The following GTPBP4 variants were observed in gnomAD, a reference collection of about 807,000 sequenced individuals.
The protein encoded by GTPBP4 is GTP-binding protein 4.
In GTPBP4, 15 loss-of-function variants were observed where a neutral mutation model predicts 81.7. That is an observed-to-expected ratio of 0.18 (90% confidence interval 0.12 to 0.28). The LOEUF (loss-of-function observed/expected upper bound fraction) is 0.28, where lower values mean the gene tolerates loss of function less well. Ranked by LOEUF, GTPBP4 falls within the 10% of genes least tolerant of loss-of-function variation. The pLI, the probability that GTPBP4 is intolerant of heterozygous loss-of-function variation, is 1.00. For synonymous variants in GTPBP4, 272 were observed against 274.6 expected, an observed-to-expected ratio of 0.99 and a Z score of 0.09; for missense variants, 847 against 793.8, an observed-to-expected ratio of 1.07 and a Z score of -0.81.
chr10:1,000,632 C>A (rs745942586), intron 6 of GTPBP4, 45 bp from the exon 7 acceptor site: 4 of 1,211,742 alleles, frequency 3.3e-6, no homozygotes, highest in East Asian at 5.1e-5. Flanking sequence ...GGACAAGAAG[C>A]TTGTGGGTGA....
chr10:1,007,445 AT>A (rs35800515), intron 10 of GTPBP4: 3 of 232,314 alleles, frequency 1.3e-5, no homozygotes, highest in South Asian at 6.6e-5. Flanking sequence ...TTAAATTTTC[AT>A]TTTTTTGGCT....
At chr10:996,934 G>C in intron 4 of GTPBP4, 1 of 419,308 alleles carries the variant, frequency 2.4e-6, no homozygotes, top group Non-Finnish European at 4.3e-6. Context: ...CAGACATGCT[G>C]TTGGCCCCAC....
At chr10:1,004,081 A>G (rs1350807249) in intron 8 of GTPBP4, among the ~76,000 whole-genome samples, 1 of 152,050 alleles carries the variant, frequency 6.6e-6, no homozygotes, top group Admixed American at 6.5e-5. Context: ...TCCAGGGAAG[A>G]CGCACTCTGG....
At position 988,453 on chromosome 10, in the gene GTPBP4, A is replaced by C. The variant is rs368892486; in HGVS notation, c.-27A>C. 5.6e-6 allele frequency: 9 copies of C among 1,608,508 alleles called. No homozygotes were observed. Among genetic ancestry groups the C allele is most frequent in the Non-Finnish European group, 7.7e-6 (9 of 1,175,518 alleles). ...GACGGCGGAAGTTCCGGGAGTGCCA[A>C]GTACCCGCGTGCATACGGCTGCCGG... is the stretch of plus-strand genomic sequence containing the variant. On this transcript the variant is annotated 5_prime_UTR_variant, in exon 1 of 17. Coordinates refer to ENST00000360803, the MANE Select transcript of GTPBP4 (RefSeq NM_012341.3).
chr10:1,003,726 G>A (rs1372079682), intron 8 of GTPBP4, among the ~76,000 whole-genome samples: 1 of 152,156 alleles, frequency 6.6e-6, no homozygotes, highest in Non-Finnish European at 1.5e-5. Context: ...CAGCGGTGGT[G>A]TATGTTTTTA....
chr10:1,005,560 C>G (rs992717794), intron 8 of GTPBP4, among the ~76,000 whole-genome samples: 13 of 152,116 alleles, frequency 8.5e-5, no homozygotes, highest in African/African-American at 3.1e-4. Context: ...TGTAGTTGTT[C>G]GTTATTCTGA....
At chr10:1,012,806 A>G (rs1397471660) in intron 14 of GTPBP4, 144 bp downstream of exon 14, 1 of 624,248 alleles carries the variant, frequency 1.6e-6, no homozygotes, top group Non-Finnish European at 2.9e-6. Flanking sequence ...GATTTGCAAG[A>G]TCGCTCACGT....
intron 1 of GTPBP4, chr10:988,765 C>T (rs1347625331): frequency 7.8e-6 from 4 of 513,916 alleles, no homozygotes; most frequent in Non-Finnish European, 1.4e-5. Flanking sequence ...GTGGTCCACC[C>T]AAAGACTGAG....
In GTPBP4 at chr10:1,019,838, T is replaced by C. The variant is rs746877846; in HGVS notation, c.*2611T>C. On this transcript the variant is annotated 3_prime_UTR_variant, in exon 17 of 17. Coordinates refer to ENST00000360803, the MANE Select transcript of GTPBP4 (RefSeq NM_012341.3). ...ACACAATGTCCTCTGGAGAAATCTA[T>C]TGACAGAAATTGGTGCAGTGTTAAC... is the stretch of plus-strand genomic sequence containing the variant. 6.2e-7 allele frequency: 1 copy of C among 1,606,590 alleles called. No individual in the cohort carries two copies.
In GTPBP4 at chr10:1,019,462, G is replaced by A. The variant is rs1832049679; in HGVS notation, c.*2235G>A. On this transcript the variant is annotated 3_prime_UTR_variant, in exon 17 of 17. Coordinates refer to ENST00000360803, the MANE Select transcript of GTPBP4 (RefSeq NM_012341.3). ...GAGAGGGTGTATCATTGCCTCAATGGTGCGTCTGCCTGCACTGAGGGCATT... is the reference window on the plus strand; with the variant it reads ...GAGAGGGTGTATCATTGCCTCAATGATGCGTCTGCCTGCACTGAGGGCATT... 1 of 1,415,576 alleles carries A rather than the reference G, an allele frequency of 7.1e-7. No individual in the cohort carries two copies. The highest frequency in any genetic ancestry group is 1.3e-5 in the South Asian group (1 of 75,212). The allele number at this position is 1,415,576 out of a possible 1,614,324, so 87.7% of individuals were successfully genotyped here.
intron 1 of GTPBP4, among the ~76,000 whole-genome samples, chr10:991,734 C>T (rs1276729463): frequency 2.4e-5 from 3 of 124,658 alleles, no homozygotes; most frequent in East Asian, 2.3e-4. Flanking sequence ...CTCGCTCTGT[C>T]GCCCAGGCTG....
intron 14 of GTPBP4, among the ~76,000 whole-genome samples, chr10:1,013,616 T>TA (rs1379145147): frequency 2.0e-5 from 3 of 151,486 alleles, no homozygotes; most frequent in Non-Finnish European, 4.4e-5. Flanking sequence ...TCTCAAAAAA[T>TA]AAAAAATTTA....
intron 8 of GTPBP4, among the ~76,000 whole-genome samples, chr10:1,003,397 A>G (rs1406568439): frequency 6.6e-6 from 1 of 152,088 alleles, no homozygotes; most frequent in Non-Finnish European, 1.5e-5. Flanking sequence ...CAATTCATTG[A>G]TTTCCTTTTC....
intron 1 of GTPBP4, 124 bp from the exon 2 acceptor site, chr10:992,365 A>G: frequency 1.7e-6 from 1 of 595,146 alleles, no homozygotes; most frequent in Non-Finnish European, 3.0e-6. Context: ...GTGCCACTGC[A>G]CTCCAGCCTG....
intron 1 of GTPBP4, among the ~76,000 whole-genome samples, chr10:989,862 G>A (rs556042928): frequency 6.6e-6 from 1 of 151,970 alleles, no homozygotes; most frequent in African/African-American, 2.4e-5. Context: ...TCAGCCTCCC[G>A]AGTAGCTGGG....
At chr10:1,010,899 G>A (rs1831848091) in intron 13 of GTPBP4, among the ~76,000 whole-genome samples, 1 of 145,376 alleles carries the variant, frequency 6.9e-6, no homozygotes, top group Admixed American at 6.8e-5. Flanking sequence ...TCCTGACTCT[G>A]CCCCCTACAC....
At chr10:1,001,854 G>A (rs1442247942) in intron 8 of GTPBP4, among the ~76,000 whole-genome samples, 1 of 151,736 alleles carries the variant, frequency 6.6e-6, no homozygotes, top group African/African-American at 2.4e-5. Flanking sequence ...GGAGAGGAAT[G>A]TGTTTTATGC....
intron 6 of GTPBP4, among the ~76,000 whole-genome samples, chr10:999,431 G>A (rs546273413): frequency 1.2e-4 from 18 of 152,214 alleles, no homozygotes; most frequent in African/African-American, 4.1e-4. Context: ...CAAGAGTCTT[G>A]TCTTTAAACA....
intron 9 of GTPBP4, among the ~76,000 whole-genome samples, chr10:1,006,524 G>C (rs1383059930): frequency 1.3e-5 from 2 of 152,188 alleles, no homozygotes; most frequent in Non-Finnish European, 2.9e-5. Context: ...TGTAATCCCA[G>C]CTACTCGGGA....
Sources: allele counts gnomAD v4.1 joint callset (sites outside exome capture counted in the v4.1 genomes callset), GRCh38; gene constraint gnomAD v4.1.1; transcripts MANE v1.5; gene names NCBI Gene and HGNC (gene_info 2026-07-23, HGNC 2026-07-21).